Variants in CSMD3 observed in about 807,000 individuals in gnomAD.
CSMD3 encodes CUB and Sushi multiple domains 3, also known as CUB and sushi domain-containing protein 3.
In CSMD3, 177 loss-of-function variants were observed where a neutral mutation model predicts 435.2. That is an observed-to-expected ratio of 0.41 (90% CI 0.36 to 0.46). The LOEUF (loss-of-function observed/expected upper bound fraction) is 0.46. Among genes scored for constraint, CSMD3 ranks in the 20% least tolerant of loss-of-function variants. The probability of loss-of-function intolerance (pLI) is 0.34; values close to 1 mark genes in which losing one functional copy is unlikely to be tolerated. For missense variants in CSMD3, 4,265 were observed against 4,504.6 expected (o/e 0.95, Z 1.52); for synonymous variants, 1,656 against 1,520.5 (o/e 1.09, Z -2.07).
intron 32 of CSMD3, among the ~76,000 whole-genome samples, chr8:112,467,783 G>T (rs929206170): frequency 1.3e-5 from 2 of 152,140 alleles, no homozygotes; most frequent in Non-Finnish European, 2.9e-5. Context: ...TGACGTCAGA[G>T]ATTGGAGTAA....
chr8:112,664,120 T>C (rs1333404982), intron 17 of CSMD3, among the ~76,000 whole-genome samples: 1 of 152,150 alleles, frequency 6.6e-6, no homozygotes, highest in Non-Finnish European at 1.5e-5. Context: ...CACCTCCTGA[T>C]ACAAAATAAT....
At chr8:112,796,959 G>A (rs1257903237) in intron 13 of CSMD3, among the ~76,000 whole-genome samples, 1 of 151,926 alleles carries the variant, frequency 6.6e-6, no homozygotes, top group Non-Finnish European at 1.5e-5. Flanking sequence ...ACAGAAACAC[G>A]AAATGAATCC....
chr8:112,318,839 T>G lies in CSMD3; in HGVS notation c.7358A>C (p.Gln2453Pro). 1 of 1,604,002 alleles carries G rather than the reference T, an allele frequency of 6.2e-7. No homozygotes were observed. The highest frequency in any genetic ancestry group is 8.5e-7 in the Non-Finnish European group (1 of 1,171,812). Reference protein sequence around the residue: ...LQMDGAPPVCQVLCPANELRL... With the variant: ...LQMDGAPPVCPVLCPANELRL... Reference sequence around the variant, plus strand: ...TAATCATAGGAACCATTGAATACCTTGACAAACTGGAGGTGCTCCATCCAT... The same window carrying G: ...TAATCATAGGAACCATTGAATACCTGGACAAACTGGAGGTGCTCCATCCAT... Residue 2453 changes from glutamine (Q) to proline (P), a missense_variant and splice_region_variant, in exon 47 of 71, where the codon CAA (glutamine) becomes CCA (proline). Transcript: ENST00000297405.
chr8:113,067,983 A>C (rs1366390076), intron 5 of CSMD3, among the ~76,000 whole-genome samples: 1 of 152,102 alleles, frequency 6.6e-6, no homozygotes, highest in Non-Finnish European at 1.5e-5. Context: ...AATTGACTAC[A>C]AGGGACTGAC....
chr8:112,315,576 T>C (rs1168687578), intron 47 of CSMD3, among the ~76,000 whole-genome samples: 1 of 151,852 alleles, frequency 6.6e-6, no homozygotes, highest in African/African-American at 2.4e-5. Context: ...CCAAACAGGA[T>C]TTGCTTCAAT....
intron 18 of CSMD3, 51 bp from the exon 19 acceptor site, chr8:112,650,400 T>C (rs2131634138): frequency 1.4e-6 from 2 of 1,411,406 alleles, no homozygotes; most frequent in Non-Finnish European, 2.0e-6. Flanking sequence ...GGATTTGGAG[T>C]TGCTGAAAAT....
intron 31 of CSMD3, 135 bp from the exon 32 acceptor site, chr8:112,472,842 AT>A: frequency 1.6e-6 from 1 of 643,476 alleles, no homozygotes; most frequent in Non-Finnish European, 2.8e-6. Flanking sequence ...TTATAATAAG[AT>A]CCTCTAGTGT....
chr8:113,415,857 T>C (rs1024306158), intron 1 of CSMD3, among the ~76,000 whole-genome samples: 1 of 152,086 alleles, frequency 6.6e-6, no homozygotes, highest in Non-Finnish European at 1.5e-5. Flanking sequence ...AATAGTAAAC[T>C]CTTTAAGCTG....
At chr8:112,628,538 T>C (rs1029002661) in intron 22 of CSMD3, among the ~76,000 whole-genome samples, 2 of 152,302 alleles carry the variant, frequency 1.3e-5, no homozygotes, top group East Asian at 1.9e-4. Flanking sequence ...TTATTGGAGT[T>C]AGACAGAATT....
chr8:113,267,839 T>C (rs980983669), intron 3 of CSMD3, among the ~76,000 whole-genome samples: 1 of 151,684 alleles, frequency 6.6e-6, no homozygotes, highest in African/African-American at 2.4e-5. Context: ...AATGCAAAAC[T>C]ATACAAAAAG....
intron 1 of CSMD3, among the ~76,000 whole-genome samples, chr8:113,322,404 CATTTATAAAAA>C (rs1299241640): frequency 2.6e-5 from 4 of 152,028 alleles, no homozygotes; most frequent in African/African-American, 9.7e-5. Context: ...CACCCAGAGC[CATTTATAAAAA>C]AAGACACACT....
chr8:113,303,959 A>G (rs1009173795), intron 2 of CSMD3, among the ~76,000 whole-genome samples: 4 of 138,794 alleles, frequency 2.9e-5, no homozygotes, highest in Non-Finnish European at 6.2e-5. Flanking sequence ...AGAAACTACC[A>G]TCAGAGTGAA....
intron 16 of CSMD3, among the ~76,000 whole-genome samples, chr8:112,677,146 G>A (rs187274532): frequency 1.3e-5 from 2 of 152,098 alleles, no homozygotes; most frequent in East Asian, 1.9e-4. Context: ...GTAACTTGAG[G>A]ATTATGTGTG....
rs1586850858 is a variant in CSMD3 at position 112,352,355 on chromosome 8, A to G, written c.6255+61T>C. The G allele has an allele frequency of 5.6e-6, 9 of 1,607,260 alleles. No individual in the cohort carries two copies. In the East Asian group the frequency reaches 2.0e-4, roughly 36 times the overall value. ...AAAACCCGTGGCTTATCAATCATTG[A>G]TTTGTAAAATATTCTGAAAGGGCCA... On this transcript the variant is annotated intron_variant, in intron 39 of 70. Coordinates refer to ENST00000297405, the MANE Select transcript of CSMD3 (RefSeq NM_198123.2).
chr8:112,585,725 A>G (rs1177976831), intron 23 of CSMD3, among the ~76,000 whole-genome samples: 4 of 151,672 alleles, frequency 2.6e-5, no homozygotes, highest in Non-Finnish European at 4.4e-5. Flanking sequence ...TTAGCTCACC[A>G]ATGCATGTTT....
intron 10 of CSMD3, among the ~76,000 whole-genome samples, chr8:112,860,689 T>C (rs1237501503): frequency 1.3e-5 from 2 of 151,790 alleles, no homozygotes; most frequent in African/African-American, 4.8e-5. Context: ...TTGATAATAT[T>C]GATTAGCTTT....
At chr8:112,882,150 G>C (rs1166617167) in intron 10 of CSMD3, among the ~76,000 whole-genome samples, 1 of 151,852 alleles carries the variant, frequency 6.6e-6, no homozygotes, top group African/African-American at 2.4e-5. Context: ...GAAAGGACAA[G>C]AAAATCTCAG....
At chr8:113,274,285 A>G (rs2093552923) in intron 3 of CSMD3, among the ~76,000 whole-genome samples, 3 of 152,128 alleles carry the variant, frequency 2.0e-5, no homozygotes, top group Non-Finnish European at 4.4e-5. Flanking sequence ...CAAGGGATCT[A>G]GAAAATTAAT....
At chr8:112,370,021 G>GA (rs1828192820) in intron 38 of CSMD3, among the ~76,000 whole-genome samples, 1 of 113,700 alleles carries the variant, frequency 8.8e-6, no homozygotes, top group African/African-American at 3.3e-5. Context: ...GGAAGAAGAA[G>GA]AGGAAGAAGA....
Sources: gnomAD v4.1 joint callset for allele counts (sites outside exome capture counted in the v4.1 genomes callset) on GRCh38, gnomAD v4.1.1 for gene constraint, MANE v1.5 for transcripts, NCBI Gene and HGNC (gene_info 2026-07-23, HGNC 2026-07-21) for gene names.